Variants in RPS12 observed in about 807,000 individuals in gnomAD.
RPS12 encodes the protein small ribosomal subunit protein eS12.
In RPS12, 1 loss-of-function variant was observed where a neutral mutation model predicts 17.2. The observed-to-expected ratio is 0.06, with a 90% CI of 0.02 to 0.28. The LOEUF (loss-of-function observed/expected upper bound fraction) is 0.28. RPS12 is among the 10% of genes least tolerant of loss of function. RPS12 has a pLI of 1.00. For missense variants in RPS12, 146 were observed against 162.1 expected, an observed-to-expected ratio of 0.90 and a Z score of 0.54; for synonymous variants, 67 against 54.0, an observed-to-expected ratio of 1.24 and a Z score of -1.06.
chr6:132,815,514 G>A (rs181454932), intron 3 of RPS12: 1 of 413,242 alleles, frequency 2.4e-6, no homozygotes, highest in Admixed American at 2.8e-5. Flanking sequence ...GAAGCATTTG[G>A]TCCTAGATGA....
rs1398058760 is a variant in RPS12, at chr6:132,817,563, C to T, written c.*21C>T. 2 of 1,597,368 alleles carry T rather than the reference C, an allele frequency of 1.3e-6. No individual in the cohort carries two copies. The highest frequency in any genetic ancestry group is 1.3e-5 in the African/African-American group (1 of 74,492). On this transcript the variant is annotated 3_prime_UTR_variant, in exon 6 of 6. Transcript: ENST00000230050. ...AATGAAGAAATAAATCTTTGGCTCA[C>T]ATTCCTCATGTCTGGCTTTTTATTT...
rs146384522 is a variant in RPS12 at position 132,816,763 on chromosome 6, A to G, written c.235-197A>G. ...TGAATCCTAATTTTGACGTTGGTAT[A>G]CAACAAAGATTAGTAGCAGGCTTGT... On this transcript the variant is annotated intron_variant, in intron 4 of 5. Coordinates refer to ENST00000230050, the MANE Select transcript of RPS12 (RefSeq NM_001016.4). 4.1e-4 allele frequency: 312 copies of G among 768,906 alleles called. 2 individuals are homozygous for G. The African/African-American group carries it at 4.9e-3, about 12-fold the overall frequency. The allele number at this position is 768,906 out of a possible 1,614,324, so 47.6% of individuals were successfully genotyped here.
chr6:132,815,966 G>A (rs1247188458), intron 3 of RPS12: 1 of 451,448 alleles, frequency 2.2e-6, no homozygotes, highest in Non-Finnish European at 4.4e-6. Flanking sequence ...CGAGTAGATG[G>A]AATTACAGGC....
intron 3 of RPS12, chr6:132,815,839 CT>C (rs1435726611): frequency 4.8e-6 from 2 of 416,650 alleles, no homozygotes; most frequent in Non-Finnish European, 9.3e-6. Flanking sequence ...TTTTTTTTTT[CT>C]TTTTTCTTTT....
At chr6:132,817,150 GA>G in intron 5 of RPS12, 89 bp downstream of exon 5, 1 of 891,692 alleles carries the variant, frequency 1.1e-6, no homozygotes. Flanking sequence ...CTTATAAAAG[GA>G]AAAAACTGAT....
chr6:132,816,808 C>CATG (rs750644094), intron 4 of RPS12, 152 bp from the exon 5 acceptor site: 1 of 772,536 alleles, frequency 1.3e-6, no homozygotes, highest in Non-Finnish European at 2.4e-6. Flanking sequence ...TAGTGCTGTA[C>CATG]ATGATGACAA....
chr6:132,816,605 T>TG (rs1447820526), intron 4 of RPS12, 42 bp downstream of exon 4: 1 of 1,290,730 alleles, frequency 7.7e-7, no homozygotes, highest in South Asian at 1.2e-5. Flanking sequence ...TGTTCAGTGA[T>TG]GCTTGTATAT....
At position 132,817,022 on chromosome 6, in the gene RPS12, A is replaced by G. The variant is rs763875120; in HGVS notation, c.297A>G (p.Lys99=). ...TTTGTAAAATTGACAGAGAGGGGAAACCCCGTAAAGTGGTTGGTTGCAGTT... is the reference window on the plus strand; with the variant it reads ...TTTGTAAAATTGACAGAGAGGGGAAGCCCCGTAAAGTGGTTGGTTGCAGTT... The part of the protein sequence containing the change: ...VGLCKIDREG[K]PRKVVGCSCV... The change falls in exon 5 of 6, where the codon AAA becomes AAG. Residue 99 remains lysine (K), a synonymous_variant. Transcript: ENST00000230050. The G allele has an allele frequency of 6.2e-7, 1 of 1,610,786 alleles. No homozygotes were observed. The highest frequency in any genetic ancestry group is 8.5e-7 in the Non-Finnish European group (1 of 1,178,988).
chr6:132,816,093 C>G lies in RPS12; in HGVS notation c.132-368C>G, dbSNP rs878869123. 5 of 374,954 alleles carry G rather than the reference C, an allele frequency of 1.3e-5. No individual in the cohort carries two copies. In the Admixed American group the frequency reaches 1.8e-4, roughly 14 times the overall value. 23.2% of individuals were successfully genotyped at this position (374,954 alleles called of 1,614,324 possible). A position where few individuals can be genotyped will look rare whatever the true frequency, so the allele number is the denominator to read the frequency against. On this transcript the variant is annotated intron_variant, in intron 3 of 5. Transcript: ENST00000230050. ...GGGTCATCTGCCCCCCTCGTCTTCC[C>G]AAAGTGCTGGGATTACAGGAGTGAG...
chr6:132,815,475 A>G (rs1331086069), intron 3 of RPS12: 2 of 425,458 alleles, frequency 4.7e-6, no homozygotes, highest in Non-Finnish European at 9.3e-6. Context: ...ACAAGCATTA[A>G]TTTAATGGAA....
In RPS12 at chr6:132,816,470, C is replaced by G. The variant is rs747707729; in HGVS notation, c.141C>G (p.Ala47=). 1 of 1,606,898 alleles carries G rather than the reference C, an allele frequency of 6.2e-7. No homozygotes were observed. The highest frequency in any genetic ancestry group is 8.5e-7 in the Non-Finnish European group (1 of 1,176,386). The stretch of plus-strand genomic sequence containing the variant: ...GTAATTTGAATTTCAGGCGCCAAGC[C>G]CATCTTTGTGTGCTTGCATCCAACT... ...EAAKALDKRQ[A]HLCVLASNCD... Residue 47 remains alanine (A), a synonymous_variant, in exon 4 of 6, where the codon GCC becomes GCG. Coordinates refer to ENST00000230050, the MANE Select transcript of RPS12 (RefSeq NM_001016.4).
Position 132,814,753 on chromosome 6 carries a change from C to T in RPS12, c.-16C>T, listed in dbSNP as rs756595359. The T allele has an allele frequency of 1.9e-5, 30 of 1,613,518 alleles. No individual in the cohort carries two copies. The South Asian group carries it at 3.2e-4, about 17-fold the overall frequency. ...TTAGTGCGTTCAAGATTCAACTTCA[C>T]CCGTAACCCACCGCCATGGCCGAGG... On this transcript the variant is annotated 5_prime_UTR_variant, in exon 2 of 6. Coordinates refer to ENST00000230050, the MANE Select transcript of RPS12 (RefSeq NM_001016.4).
At chr6:132,817,400 C>A in intron 5 of RPS12, 80 bp from the exon 6 acceptor site, 1 of 919,222 alleles carries the variant, frequency 1.1e-6, no homozygotes, top group Non-Finnish European at 1.8e-6. Flanking sequence ...TGTTGAAGCT[C>A]CACTATAATT....
At position 132,816,990 on chromosome 6, in the gene RPS12, G is replaced by T. The variant is rs749806820; in HGVS notation, c.265G>T (p.Val89Leu). Residue 89 changes from valine (V) to leucine (L), a missense_variant, in exon 5 of 6, where the codon GTA becomes TTA. This residue lies in a region of RPS12 where 29 missense variants were observed against 57.5 expected (regional missense o/e 0.50). Transcript: ENST00000230050. ...TGACAACAAGAAACTAGGAGAATGG[G>T]TAGGCCTTTGTAAAATTGACAGAGA... Reference protein sequence around the residue: ...VDDNKKLGEWVGLCKIDREGK... With the variant: ...VDDNKKLGEWLGLCKIDREGK... 1.7e-5 allele frequency: 27 copies of T among 1,612,494 alleles called. No homozygotes were observed. The highest frequency in any genetic ancestry group is 2.3e-5 in the Non-Finnish European group (27 of 1,178,964).
chr6:132,816,476 T>G lies in RPS12; in HGVS notation c.147T>G (p.Leu49=), dbSNP rs1372874716. 3.7e-6 allele frequency: 6 copies of G among 1,608,034 alleles called. No homozygotes were observed. The highest frequency in any genetic ancestry group is 5.1e-6 in the Non-Finnish European group (6 of 1,177,526). Residue 49 remains leucine, a synonymous_variant, in exon 4 of 6, where the codon CTT becomes CTG. Transcript: ENST00000230050. ...TGAATTTCAGGCGCCAAGCCCATCT[T>G]TGTGTGCTTGCATCCAACTGTGATG... The part of the protein sequence containing the change: ...AKALDKRQAH[L]CVLASNCDEP...
In RPS12 at chr6:132,817,069, A is replaced by G. The variant is rs377415499; in HGVS notation, c.336+8A>G. ...AGTTGTGTAGTAGTTAAGGTAAGTC[A>G]CCGTTTATTCTAGGGATGAAGGTTA... On this transcript the variant is annotated splice_region_variant and intron_variant, in intron 5 of 5. Transcript: ENST00000230050. The G allele has an allele frequency of 3.3e-6, 5 of 1,520,306 alleles. No homozygotes were observed. Among genetic ancestry groups the G allele is most frequent in the South Asian group, 1.1e-5 (1 of 88,950 alleles). The allele number at this position is 1,520,306 out of a possible 1,614,324, so 94.2% of individuals were successfully genotyped here.
intron 5 of RPS12, 151 bp from the exon 6 acceptor site, chr6:132,817,329 C>T: frequency 1.3e-6 from 1 of 786,988 alleles, no homozygotes; most frequent in South Asian, 1.4e-5. Context: ...TCGTTAAGGT[C>T]CCTGAGAATG....
In RPS12 at chr6:132,815,081, T is replaced by C; in HGVS notation, c.124T>C (p.Leu42=). The change falls in exon 3 of 6, where the codon TTA becomes CTA. Residue 42 remains leucine, a synonymous_variant. Transcript: ENST00000230050. ...TGGAATTCGCGAAGCTGCCAAAGCC[T>C]TAGACAAGTACGTGTATCAGTCTCA... ...ARGIREAAKA[L]DKRQAHLCVL... is the part of the protein sequence containing the mutation. 1.2e-6 allele frequency: 2 copies of C among 1,603,672 alleles called. No homozygotes were observed. Among genetic ancestry groups the C allele is most frequent in the Non-Finnish European group, 1.7e-6 (2 of 1,170,488 alleles).
At chr6:132,816,774 T>A (rs763087054) in intron 4 of RPS12, 186 bp from the exon 5 acceptor site, 4 of 769,904 alleles carry the variant, frequency 5.2e-6, no homozygotes, top group Admixed American at 3.4e-5. Flanking sequence ...CAACAAAGAT[T>A]AGTAGCAGGC....
Sources: gnomAD v4.1 joint callset for allele counts on GRCh38, gnomAD v4.1.1 for gene constraint, gnomAD v4.1.1 regional missense constraint, MANE v1.5 for transcripts, NCBI Gene and HGNC (gene_info 2026-07-23, HGNC 2026-07-21) for gene names.